The following RPS6KB2 variants were observed in gnomAD, a reference collection of about 807,000 sequenced individuals.
RPS6KB2 encodes the protein ribosomal protein S6 kinase B2, also known as ribosomal protein S6 kinase beta-2.
In RPS6KB2, 51 loss-of-function variants were observed where a neutral mutation model predicts 58.2. That is an observed-to-expected ratio of 0.88 (90% confidence interval 0.70 to 1.11). The LOEUF (loss-of-function observed/expected upper bound fraction) is 1.11, where lower values mean the gene tolerates loss of function less well. Among genes scored for constraint, RPS6KB2 ranks in the 50% least tolerant of loss-of-function variants. The pLI, the probability that RPS6KB2 is intolerant of heterozygous loss-of-function variation, is 0.00. For synonymous variants in RPS6KB2, 293 were observed against 258.6 expected, an observed-to-expected ratio of 1.13 and a Z score of -1.28; for missense variants, 671 against 655.8, an observed-to-expected ratio of 1.02 and a Z score of -0.25.
In RPS6KB2 at chr11:67,433,215, C is replaced by G. The variant is rs566933669; in HGVS notation, c.797C>G (p.Ser266Trp). Residue 266 changes from serine (S) to tryptophan (W), a missense_variant and splice_region_variant, in exon 9 of 15, where the codon TCG (serine) becomes TGG (tryptophan). Ser to Trp is a radical substitution (Grantham distance 177). Coordinates refer to ENST00000312629, the MANE Select transcript of RPS6KB2 (RefSeq NM_003952.3). ...GALMYDMLTG[S>W]PPFTAENRKK... ...CTGATGTACGACATGCTCACTGGAT[C>G]GGCAAGTCCAGCCCCCGGGGAGGAG... The G allele has an allele frequency of 1.0e-5, 16 of 1,606,486 alleles. No individual in the cohort carries two copies. The East Asian group carries it at 3.1e-4, about 31-fold the overall frequency.
chr11:67,431,758 G>A (rs904465280), intron 5 of RPS6KB2: 40 of 486,220 alleles, frequency 8.2e-5, no homozygotes, highest in Non-Finnish European at 5.2e-5. Context: ...GGCATGGTGC[G>A]AATTTGGATA....
intron 5 of RPS6KB2, chr11:67,431,791 C>T (rs1411971238): frequency 2.4e-6 from 1 of 413,486 alleles, no homozygotes; most frequent in African/African-American, 2.0e-5. Flanking sequence ...ATGGTTGAGT[C>T]TCTTCCTACT....
intron 14 of RPS6KB2, 27 bp downstream of exon 14, chr11:67,434,721 C>G (rs1418883659): frequency 6.5e-7 from 1 of 1,546,926 alleles, no homozygotes; most frequent in East Asian, 2.3e-5. Context: ...GGGTGTGTGG[C>G]TGGGTTAGGG....
intron 4 of RPS6KB2, 23 bp from the exon 5 acceptor site, chr11:67,431,345 C>G (rs1433875102): frequency 6.2e-7 from 1 of 1,611,408 alleles, no homozygotes; most frequent in Admixed American, 1.7e-5. Flanking sequence ...GCCTCAGTTT[C>G]TAACCAATTC....
intron 5 of RPS6KB2, chr11:67,432,212 A>C: frequency 2.2e-6 from 1 of 446,738 alleles, no homozygotes; most frequent in Non-Finnish European, 4.4e-6. Context: ...AGTCCCAGCA[A>C]ACCGCGCTTT....
Position 67,434,253 on chromosome 11 carries a change from A to C in RPS6KB2, c.1025A>C (p.Asp342Ala), listed in dbSNP as rs1590977997. ...NWDDLLAWRV[D>A]PPFRPCLQSE... is the part of the protein sequence containing the mutation. ...GACGACCTTCTGGCCTGGCGTGTGG[A>C]CCCCCCTTTCAGGCCCTGTCTGGTG... is the stretch of plus-strand genomic sequence containing the variant. Residue 342 changes from aspartate to alanine, a missense_variant, in exon 12 of 15, where the codon GAC (aspartate) becomes GCC (alanine). Coordinates refer to ENST00000312629, the MANE Select transcript of RPS6KB2 (RefSeq NM_003952.3). 6.2e-7 allele frequency: 1 copy of C among 1,613,026 alleles called. No homozygotes were observed. The highest frequency in any genetic ancestry group is 1.3e-5 in the African/African-American group (1 of 74,784).
chr11:67,434,995 C>T lies in RPS6KB2; in HGVS notation c.1275C>T (p.Leu425=). 6.2e-7 allele frequency: 1 copy of T among 1,613,632 alleles called. No homozygotes were observed. The highest frequency in any genetic ancestry group is 8.5e-7 in the Non-Finnish European group (1 of 1,179,810). Residue 425 remains leucine (L), a synonymous_variant, in exon 15 of 15, where the codon CTC becomes CTT. Transcript: ENST00000312629. ...GCCTTGGTTTCCCCTGCAGCCCCCTCAAGTTCTCCCCTTTTGAGGGGTTTC... is the reference window on the plus strand; with the variant it reads ...GCCTTGGTTTCCCCTGCAGCCCCCTTAAGTTCTCCCCTTTTGAGGGGTTTC... ...NSSPRAPVSP[L]KFSPFEGFRP... is the part of the protein sequence containing the mutation.
rs756238154 is a variant in RPS6KB2, at chr11:67,434,299, G to C, written c.1047+24G>C. 3 of 1,612,448 alleles carry C rather than the reference G, an allele frequency of 1.9e-6. No individual in the cohort carries two copies. The African/African-American group carries it at 4.0e-5, about 22-fold the overall frequency. On this transcript the variant is annotated intron_variant, in intron 12 of 14. Coordinates refer to ENST00000312629, the MANE Select transcript of RPS6KB2 (RefSeq NM_003952.3). ...TGGTGAGCAGCAGGGCTGGTGGCCA[G>C]TGGCCGGTGGCGGGTGGCAAGTGGA...
Position 67,431,514 on chromosome 11 carries a change from T to A in RPS6KB2, c.456T>A (p.Ser152Arg). Residue 152 changes from serine (S) to arginine (R), a missense_variant and splice_region_variant, in exon 5 of 15, where the codon AGT (serine) becomes AGA (arginine). Physicochemically the swap from Ser to Arg is moderately radical, Grantham distance 110. Transcript: ENST00000312629. Reference protein sequence around the residue: ...GKLYLILECLSGGELFTHLER... With the variant: ...GKLYLILECLRGGELFTHLER... ...TCTACCTCATCCTTGAGTGCCTCAGTGGTATGAGTGCGGGCCCAGGCAGGG... is the reference window on the plus strand; with the variant it reads ...TCTACCTCATCCTTGAGTGCCTCAGAGGTATGAGTGCGGGCCCAGGCAGGG... 1 of 1,612,022 alleles carries A rather than the reference T, an allele frequency of 6.2e-7. No individual in the cohort carries two copies. Among genetic ancestry groups the A allele is most frequent in the East Asian group, 2.2e-5 (1 of 44,778 alleles).
In RPS6KB2 at chr11:67,429,248, C is replaced by A. The variant is rs1225234190; in HGVS notation, c.240+8C>A. The A allele has an allele frequency of 1.2e-6, 2 of 1,612,030 alleles. No homozygotes were observed. Among genetic ancestry groups the A allele is most frequent in the South Asian group, 2.2e-5 (2 of 91,058 alleles). On this transcript the variant is annotated splice_region_variant and intron_variant, in intron 3 of 14. Transcript: ENST00000312629. ...AAGGGGGGCTATGGCAAGGTAGGGG[C>A]GGGCGCACCCTCCTCCTGGCCTCAC...
At chr11:67,431,626 G>A (rs1489935702) in intron 5 of RPS6KB2, 111 bp downstream of exon 5, 1 of 1,117,330 alleles carries the variant, frequency 8.9e-7, no homozygotes, top group Non-Finnish European at 1.3e-6. Context: ...GGGTTGGCTA[G>A]GGGGCCCCCA....
At position 67,435,301 on chromosome 11, in the gene RPS6KB2, G is replaced by GTC. The variant is rs1275732512; in HGVS notation, c.*134_*135dup. 2.6e-5 allele frequency: 23 copies of GTC among 868,986 alleles called. No individual in the cohort carries two copies. The highest frequency in any genetic ancestry group is 3.4e-5 in the African/African-American group (2 of 58,586). The allele number at this position is 868,986 out of a possible 1,614,324, so 53.8% of individuals were successfully genotyped here. On this transcript the variant is annotated 3_prime_UTR_variant, in exon 15 of 15. Coordinates refer to ENST00000312629, the MANE Select transcript of RPS6KB2 (RefSeq NM_003952.3). ...GGTGTGAGTGCGTATGAAAGTGTGTGTCTGCTGGGGCAGCTGTGCCCCTGA... is the reference window on the plus strand; with the variant it reads ...GGTGTGAGTGCGTATGAAAGTGTGTGTCTCTGCTGGGGCAGCTGTGCCCCTGA...
Position 67,432,807 on chromosome 11 carries a change from A to C in RPS6KB2, c.586A>C (p.Lys196Gln). 6.2e-7 allele frequency: 1 copy of C among 1,614,016 alleles called. No homozygotes were observed. The highest frequency in any genetic ancestry group is 8.5e-7 in the Non-Finnish European group (1 of 1,179,990). The change falls in exon 7 of 15, where the codon AAG (lysine) becomes CAG (glutamine). Residue 196 changes from lysine to glutamine, a missense_variant. Coordinates refer to ENST00000312629, the MANE Select transcript of RPS6KB2 (RefSeq NM_003952.3). ...HSQGIIYRDL[K>Q]PENIMLSSQG... is the part of the protein sequence containing the mutation. ...CCAGGGCATCATCTACCGGGACCTC[A>C]AGCCCGAGAACATCATGCTCAGCAG...
intron 10 of RPS6KB2, 138 bp from the exon 11 acceptor site, chr11:67,433,857 G>A: frequency 2.1e-6 from 2 of 931,190 alleles, no homozygotes; most frequent in South Asian, 1.4e-5. Context: ...TGAAAGCCCT[G>A]AGGGTATCCA....
At position 67,433,012 on chromosome 11, in the gene RPS6KB2, C is replaced by G; in HGVS notation, c.677C>G (p.Thr226Ser). 6.2e-7 allele frequency: 1 copy of G among 1,613,432 alleles called. No homozygotes were observed. The highest frequency in any genetic ancestry group is 8.5e-7 in the Non-Finnish European group (1 of 1,180,032). Residue 226 changes from threonine (T) to serine (S), a missense_variant, in exon 8 of 15, where the codon ACT becomes AGT. Transcript: ENST00000312629. ...GAGTCTATCCATGAGGGCGCCGTCA[C>G]TCACACCTTCTGCGGCACCATTGAG... ...CKESIHEGAV[T>S]HTFCGTIEYM...
rs372601315 is a variant in RPS6KB2, at chr11:67,435,155, C to T, written c.1435C>T (p.Arg479Cys). Residue 479 changes from arginine (R) to cysteine (C), a missense_variant, in exon 15 of 15, where the codon CGT becomes TGT. Arg to Cys is a radical substitution (Grantham distance 180, BLOSUM62 -3). Coordinates refer to ENST00000312629, the MANE Select transcript of RPS6KB2 (RefSeq NM_003952.3). ...CAAGAAGTCCAAGAGGGGCCGTGGG[C>T]GTCCAGGGCGCTAGGAAGCCGGGTG... ...GTKKSKRGRG[R>C]PGR 69 of 1,582,656 alleles carry T rather than the reference C, an allele frequency of 4.4e-5. No individual in the cohort carries two copies. The highest frequency in any genetic ancestry group is 1.2e-4 in the African/African-American group (9 of 74,224).
In RPS6KB2 at chr11:67,435,145, G is replaced by A. The variant is rs55845630; in HGVS notation, c.1425G>A (p.Arg475=). Residue 475 remains arginine, a synonymous_variant, in exon 15 of 15, where the codon AGG becomes AGA. Coordinates refer to ENST00000312629, the MANE Select transcript of RPS6KB2 (RefSeq NM_003952.3). ...CCTCAGGGACCAAGAAGTCCAAGAG[G>A]GGCCGTGGGCGTCCAGGGCGCTAGG... ...RPPSGTKKSK[R]GRGRPGR is the part of the protein sequence containing the mutation. 38 of 1,592,084 alleles carry A rather than the reference G, an allele frequency of 2.4e-5. No homozygotes were observed. The East Asian group carries it at 6.8e-4, about 29-fold the overall frequency.
chr11:67,434,002 A>G lies in RPS6KB2; in HGVS notation c.914A>G (p.Lys305Arg). ...DARDLVKKFL[K>R]RNPSQRIGGG... ...TCTCTCCTGGTCCCGCAGTTTCTGAAACGGAATCCCAGCCAGCGGATTGGG... is the reference window on the plus strand; with the variant it reads ...TCTCTCCTGGTCCCGCAGTTTCTGAGACGGAATCCCAGCCAGCGGATTGGG... The change falls in exon 11 of 15, where the codon AAA becomes AGA. Residue 305 changes from lysine (K) to arginine (R), a missense_variant. Transcript: ENST00000312629. 1 of 1,614,112 alleles carries G rather than the reference A, an allele frequency of 6.2e-7. No homozygotes were observed. The highest frequency in any genetic ancestry group is 1.7e-5 in the Admixed American group (1 of 60,028).
chr11:67,432,373 C>G (rs1387589027), intron 5 of RPS6KB2: 2 of 690,294 alleles, frequency 2.9e-6, no homozygotes, highest in Admixed American at 4.0e-5. Flanking sequence ...GTCCTGAGGG[C>G]AGTGGCTGGG....
Sources: allele counts gnomAD v4.1 joint callset, GRCh38; gene constraint gnomAD v4.1.1; transcripts MANE v1.5; gene names NCBI Gene and HGNC (gene_info 2026-07-23, HGNC 2026-07-21).